Variants in DACH1 observed in about 807,000 individuals in gnomAD.
DACH1 encodes dachshund family transcription factor 1.
DACH1 carries 12 observed loss-of-function variants against 54.2 expected under a neutral mutation model. The ratio of observed to expected loss-of-function variants is 0.22; its 90% CI spans 0.14 to 0.36. The LOEUF (loss-of-function observed/expected upper bound fraction) is 0.36. Among genes scored for constraint, DACH1 ranks in the 10% least tolerant of loss-of-function variants. DACH1 has a pLI of 1.00. For synonymous variants in DACH1, 386 were observed against 366.2 expected, an observed-to-expected ratio of 1.05 and a Z score of -0.62; for missense variants, 805 against 929.8, an observed-to-expected ratio of 0.87 and a Z score of 1.75.
At chr13:71,708,965 G>A (rs1473635038) in intron 1 of DACH1, among the ~76,000 whole-genome samples, 1 of 147,992 alleles carries the variant, frequency 6.8e-6, no homozygotes, top group Non-Finnish European at 1.5e-5. Context: ...CCATTCTCCT[G>A]CCTCAGCCTC....
chr13:71,820,105 G>GGA (rs529643730), intron 1 of DACH1, among the ~76,000 whole-genome samples: 1 of 54,122 alleles, frequency 1.8e-5, no homozygotes, highest in Non-Finnish European at 3.4e-5. Flanking sequence ...TGCCTCTACC[G>GGA]AAAAAAAAAA....
At chr13:71,463,009 A>AAAT (rs1179468853) in intron 10 of DACH1, among the ~76,000 whole-genome samples, 2 of 151,976 alleles carry the variant, frequency 1.3e-5, no homozygotes, top group Non-Finnish European at 2.9e-5. Context: ...GACAGAATAA[A>AAAT]AATATCAGTG....
chr13:71,697,339 GA>G (rs1881885019), intron 1 of DACH1, among the ~76,000 whole-genome samples: 1 of 152,186 alleles, frequency 6.6e-6, no homozygotes, highest in African/African-American at 2.4e-5. Flanking sequence ...GTTATTTAAA[GA>G]CCTGAAAGGA....
intron 10 of DACH1, among the ~76,000 whole-genome samples, chr13:71,450,169 C>CT (rs11379542): frequency 0.86 from 122,259 of 141,414 alleles, 54,715 homozygotes; most frequent in Non-Finnish European, 0.98. Flanking sequence ...GACACAGATA[C>CT]TTTTTTTTTT....
At chr13:71,566,068 T>A (rs1884878501) in intron 4 of DACH1, among the ~76,000 whole-genome samples, 1 of 152,172 alleles carries the variant, frequency 6.6e-6, no homozygotes, top group Non-Finnish European at 1.5e-5. Context: ...AAGTGCTGAT[T>A]TGACCAGCAT....
chr13:71,521,833 T>C (rs1482359858), intron 6 of DACH1, among the ~76,000 whole-genome samples: 1 of 152,130 alleles, frequency 6.6e-6, no homozygotes, highest in Non-Finnish European at 1.5e-5. Flanking sequence ...ACTGTACCTT[T>C]ATCTACTTAA....
intron 1 of DACH1, among the ~76,000 whole-genome samples, chr13:71,687,499 C>T (rs984260814): frequency 1.8e-4 from 28 of 152,106 alleles, no homozygotes; most frequent in Non-Finnish European, 1.5e-5. Context: ...AGGAAATATG[C>T]TAAAATACTG....
chr13:71,549,983 A>G (rs895357077), intron 6 of DACH1, among the ~76,000 whole-genome samples: 45 of 152,162 alleles, frequency 3.0e-4, no homozygotes, highest in African/African-American at 1.1e-3. Context: ...TAGCTGATTA[A>G]TGTAGTTAAT....
At chr13:71,497,846 G>A (rs1879563620) in intron 6 of DACH1, among the ~76,000 whole-genome samples, 1 of 148,710 alleles carries the variant, frequency 6.7e-6, no homozygotes, top group Non-Finnish European at 1.5e-5. Flanking sequence ...AGGACCTAGA[G>A]GAAATATGTG....
intron 10 of DACH1, among the ~76,000 whole-genome samples, chr13:71,465,457 G>A (rs1213031397): frequency 2.6e-5 from 4 of 152,020 alleles, no homozygotes; most frequent in Non-Finnish European, 5.9e-5. Flanking sequence ...AGATGGCTAG[G>A]ATATCCTTAC....
intron 1 of DACH1, among the ~76,000 whole-genome samples, chr13:71,719,321 T>C (rs962532811): frequency 5.3e-5 from 8 of 152,288 alleles, no homozygotes; most frequent in African/African-American, 1.7e-4. Context: ...TATTTAATCA[T>C]AGGATTTTCT....
At chr13:71,842,988 C>T (rs969238104) in intron 1 of DACH1, among the ~76,000 whole-genome samples, 1 of 152,182 alleles carries the variant, frequency 6.6e-6, no homozygotes, top group Admixed American at 6.6e-5. Context: ...AACAGACACA[C>T]TTCTATCATT....
intron 10 of DACH1, among the ~76,000 whole-genome samples, chr13:71,447,128 A>G (rs1021595881): frequency 1.3e-5 from 2 of 152,186 alleles, no homozygotes; most frequent in African/African-American, 4.8e-5. Flanking sequence ...GGATCACTGA[A>G]TAGTTTATTG....
intron 1 of DACH1, among the ~76,000 whole-genome samples, chr13:71,858,925 CTCTCTGTGTG>C (rs1211052596): frequency 6.6e-6 from 1 of 151,576 alleles, no homozygotes; most frequent in African/African-American, 2.4e-5. Flanking sequence ...CTGTATCTCT[CTCTCTGTGTG>C]TCTCTCTCTC....
intron 4 of DACH1, among the ~76,000 whole-genome samples, chr13:71,562,690 A>T (rs964364908): frequency 6.6e-6 from 1 of 152,132 alleles, no homozygotes; most frequent in Non-Finnish European, 1.5e-5. Flanking sequence ...CAACAGTTTT[A>T]AAAAACAAAC....
At chr13:71,632,892 A>C (rs1471842939) in intron 2 of DACH1, among the ~76,000 whole-genome samples, 1 of 152,044 alleles carries the variant, frequency 6.6e-6, no homozygotes. Context: ...TTTTCTCCCC[A>C]ATTACTCATT....
chr13:71,620,443 C>T (rs1876142051), intron 3 of DACH1, among the ~76,000 whole-genome samples: 3 of 151,506 alleles, frequency 2.0e-5, no homozygotes, highest in Admixed American at 1.3e-4. Flanking sequence ...TTTTTTTTCC[C>T]CTCAGCTCTA....
At chr13:71,839,466 G>A (rs1291398486) in intron 1 of DACH1, among the ~76,000 whole-genome samples, 1 of 152,070 alleles carries the variant, frequency 6.6e-6, no homozygotes, top group East Asian at 1.9e-4. Context: ...AATTAGCCAG[G>A]TGTGGTGGCG....
At chr13:71,846,228 G>T in intron 1 of DACH1, 1 of 247,942 alleles carries the variant, frequency 4.0e-6, no homozygotes, top group African/African-American at 2.3e-5. Flanking sequence ...CGGAAACAGC[G>T]GCATGGTTCA....
Sources: gnomAD v4.1 joint callset for allele counts (sites outside exome capture counted in the v4.1 genomes callset) on GRCh38, gnomAD v4.1.1 for gene constraint, MANE v1.5 for transcripts, NCBI Gene and HGNC (gene_info 2026-07-23, HGNC 2026-07-21) for gene names.